The following TMEM72 variants were observed in gnomAD, a reference collection of about 807,000 sequenced individuals.
The protein encoded by TMEM72 is transmembrane protein 72, also known as kidney-specific secretory protein of 37 kDa.
TMEM72 carries 9 observed loss-of-function variants against 16.3 expected under a neutral mutation model. That is an observed-to-expected ratio of 0.55 (90% CI 0.33 to 0.96). The LOEUF is 0.96. Ranked by LOEUF, TMEM72 falls within the 40% of genes least tolerant of loss-of-function variation. TMEM72 has a pLI of 0.03. For missense variants in TMEM72, 324 were observed against 337.8 expected, an observed-to-expected ratio of 0.96 and a Z score of 0.32; for synonymous variants, 160 against 146.5, an observed-to-expected ratio of 1.09 and a Z score of -0.66.
At position 44,911,532 on chromosome 10, in the gene TMEM72, G is replaced by A; in HGVS notation, c.20G>A (p.Trp7Ter). 7 of 1,551,202 alleles carry A rather than the reference G, an allele frequency of 4.5e-6. No individual in the cohort carries two copies. Among genetic ancestry groups the A allele is most frequent in the Non-Finnish European group, 6.1e-6 (7 of 1,147,210 alleles). Residue 7 changes from tryptophan to a stop codon, truncating the protein, a stop_gained, in exon 1 of 5, where the codon TGG (tryptophan) becomes TAG (stop). Coordinates refer to ENST00000389583, the MANE Select transcript of TMEM72 (RefSeq NM_001123376.3). LOFTEE classifies it high-confidence loss of function. The stretch of plus-strand genomic sequence containing the variant: ...GGCACCATGCAGCTCCAGGTGTTCT[G>A]GACTGGGCTGGAATACACCTGCCGG... MQLQVFWTGLEYTCRLL... is the reference protein window; with the variant it reads MQLQVF
intron 3 of TMEM72, among the ~76,000 whole-genome samples, chr10:44,932,909 G>A (rs1297094051): frequency 1.3e-5 from 2 of 152,212 alleles, no homozygotes; most frequent in South Asian, 2.1e-4. Context: ...TCCAGCCTGC[G>A]AGCATAAGAG....
At chr10:44,914,440 T>G (rs993844110) in intron 1 of TMEM72, among the ~76,000 whole-genome samples, 4 of 152,204 alleles carry the variant, frequency 2.6e-5, no homozygotes, top group Admixed American at 2.0e-4. Context: ...CAGGCGCCCA[T>G]GGGTCCATGT....
intron 1 of TMEM72, among the ~76,000 whole-genome samples, chr10:44,916,201 A>T (rs1246298545): frequency 3.9e-5 from 6 of 152,156 alleles, no homozygotes; most frequent in Admixed American, 3.9e-4. Context: ...GAGGGGATGG[A>T]GGCAAAGCCA....
At chr10:44,924,360 G>T (rs1002349062) in intron 1 of TMEM72, among the ~76,000 whole-genome samples, 1 of 152,216 alleles carries the variant, frequency 6.6e-6, no homozygotes, top group Admixed American at 6.5e-5. Flanking sequence ...GCTCCTGGGT[G>T]AGTCCCTCGT....
intron 2 of TMEM72, among the ~76,000 whole-genome samples, chr10:44,928,433 C>T (rs867369002): frequency 2.6e-5 from 4 of 151,494 alleles, no homozygotes; most frequent in Non-Finnish European, 5.9e-5. Flanking sequence ...TATCCACTTG[C>T]CTATCCATCT....
At chr10:44,912,956 C>A (rs896542984) in intron 1 of TMEM72, among the ~76,000 whole-genome samples, 2 of 152,180 alleles carry the variant, frequency 1.3e-5, no homozygotes, top group East Asian at 3.9e-4. Flanking sequence ...GGACAGCCAG[C>A]CCGGAGCCCT....
chr10:44,912,838 TTA>T (rs1839957091), intron 1 of TMEM72, among the ~76,000 whole-genome samples: 1 of 151,936 alleles, frequency 6.6e-6, no homozygotes, highest in South Asian at 2.1e-4. Flanking sequence ...AGGCCATGAG[TTA>T]GATCATGAAG....
Position 44,932,010 on chromosome 10 carries a change from C to T in TMEM72, c.150C>T (p.Ala50=), listed in dbSNP as rs80056477. Residue 50 remains alanine, a synonymous_variant, in exon 3 of 5, where the codon GCC becomes GCT. Transcript: ENST00000389583. ...SLAFYLLFTG[A]AVSICEGAYF... Reference sequence around the variant, plus strand: ...TCTCCACCTGCAGGTTTACAGGAGCCGCTGTCTCCATATGTGAAGGGGCCT... The same window carrying T: ...TCTCCACCTGCAGGTTTACAGGAGCTGCTGTCTCCATATGTGAAGGGGCCT... The T allele has an allele frequency of 9.1e-5, 146 of 1,613,026 alleles. No homozygotes were observed. The highest frequency in any genetic ancestry group is 3.3e-4 in the East Asian group (15 of 44,888).
chr10:44,931,798 G>A (rs867346266), intron 2 of TMEM72, 200 bp from the exon 3 acceptor site: 19 of 593,334 alleles, frequency 3.2e-5, no homozygotes, highest in Middle Eastern at 3.3e-4. Flanking sequence ...CTGAACCCCA[G>A]ACCCCACCTC....
intron 1 of TMEM72, among the ~76,000 whole-genome samples, chr10:44,922,101 A>T (rs943627014): frequency 6.6e-6 from 1 of 152,146 alleles, no homozygotes; most frequent in Non-Finnish European, 1.5e-5. Flanking sequence ...GCTCCTAGTT[A>T]TCCGGGTGCC....
chr10:44,934,768 C>G lies in TMEM72; in HGVS notation c.462C>G (p.Ser154Arg). 1 of 1,613,600 alleles carries G rather than the reference C, an allele frequency of 6.2e-7. No individual in the cohort carries two copies. Among genetic ancestry groups the G allele is most frequent in the Non-Finnish European group, 8.5e-7 (1 of 1,180,002 alleles). Reference protein sequence around the residue: ...ASPEQYTDPSSSAVSTTGSGD... With the variant: ...ASPEQYTDPSRSAVSTTGSGD... ...CAGAGCAGTACACAGACCCCTCTAG[C>G]AGCGCTGTGAGCACCACCGGCTCTG... The change falls in exon 5 of 5, where the codon AGC (serine) becomes AGG (arginine). Residue 154 changes from serine to arginine, a missense_variant. Coordinates refer to ENST00000389583, the MANE Select transcript of TMEM72 (RefSeq NM_001123376.3).
At chr10:44,922,633 T>G (rs1840120438) in intron 1 of TMEM72, among the ~76,000 whole-genome samples, 1 of 152,246 alleles carries the variant, frequency 6.6e-6, no homozygotes, top group South Asian at 2.1e-4. Context: ...TTCTTTACTT[T>G]TTCTACTGGG....
intron 3 of TMEM72, 138 bp downstream of exon 3, chr10:44,932,207 A>C: frequency 2.8e-6 from 3 of 1,064,290 alleles, no homozygotes; most frequent in Non-Finnish European, 4.1e-6. Flanking sequence ...CCGAGGTACA[A>C]TCAGCCTGGC....
At chr10:44,925,855 C>T (rs1028327196) in intron 1 of TMEM72, among the ~76,000 whole-genome samples, 1 of 152,078 alleles carries the variant, frequency 6.6e-6, no homozygotes, top group African/African-American at 2.4e-5. Context: ...TGGCGAAAAC[C>T]AAATAAATGG....
At chr10:44,933,312 ATTAGTGCAGAC>A (rs1840334570) in intron 3 of TMEM72, among the ~76,000 whole-genome samples, 1 of 152,258 alleles carries the variant, frequency 6.6e-6, no homozygotes. Flanking sequence ...CTTTCTCTGC[ATTAGTGCAGAC>A]TTCCCAGTGA....
At chr10:44,933,546 C>T in intron 3 of TMEM72, 91 bp from the exon 4 acceptor site, 3 of 1,513,048 alleles carry the variant, frequency 2.0e-6, no homozygotes, top group Non-Finnish European at 1.8e-6. Context: ...AGAGCATGCC[C>T]ACAGCAGGGC....
intron 1 of TMEM72, chr10:44,923,335 CT>C: frequency 6.6e-6 from 1 of 151,624 alleles, no homozygotes. Flanking sequence ...CTCTCTCTCT[CT>C]CTTTCTCTTC....
intron 1 of TMEM72, among the ~76,000 whole-genome samples, chr10:44,920,583 C>T (rs1162077388): frequency 6.6e-6 from 1 of 152,158 alleles, no homozygotes; most frequent in Non-Finnish European, 1.5e-5. Flanking sequence ...AACACTGGTG[C>T]ACAGGGAACA....
chr10:44,931,776 C>A, intron 2 of TMEM72: 1 of 558,942 alleles, frequency 1.8e-6, no homozygotes. Context: ...ACGGTGCCCT[C>A]CCCACCCATC....
Sources: allele counts gnomAD v4.1 joint callset (sites outside exome capture counted in the v4.1 genomes callset), GRCh38; gene constraint gnomAD v4.1.1; transcripts MANE v1.5; gene names NCBI Gene and HGNC (gene_info 2026-07-23, HGNC 2026-07-21).